The following TFEC variants were observed in gnomAD, a reference collection of about 807,000 sequenced individuals.
The protein encoded by TFEC is class E basic helix-loop-helix protein 34.
A neutral mutation model predicts 41.6 loss-of-function variants in TFEC; 31 were observed. The observed-to-expected ratio is 0.74, with a 90% CI of 0.56 to 1.01. The LOEUF (loss-of-function observed/expected upper bound fraction) is 1.01. Among genes scored for constraint, TFEC ranks in the 50% least tolerant of loss-of-function variants. The pLI is 0.00. For missense variants in TFEC, 402 were observed against 404.1 expected (o/e 0.99, Z 0.04); for synonymous variants, 143 against 140.6 (o/e 1.02, Z -0.12).
chr7:116,096,589 G>C (rs956242005), intron 3 of TFEC, among the ~76,000 whole-genome samples: 2 of 148,570 alleles, frequency 1.3e-5, no homozygotes, highest in African/African-American at 4.9e-5. Flanking sequence ...CTTACTATGC[G>C]TTTTTTTTTT....
At chr7:115,993,556 A>G (rs1314427907) in intron 1 of TFEC, among the ~76,000 whole-genome samples, 1 of 152,228 alleles carries the variant, frequency 6.6e-6, no homozygotes, top group African/African-American at 2.4e-5. Context: ...ATTCTTATAA[A>G]CCAATAACAG....
intron 3 of TFEC, among the ~76,000 whole-genome samples, chr7:115,966,189 C>T (rs1792838725): frequency 6.6e-6 from 1 of 151,740 alleles, no homozygotes. Flanking sequence ...CATGGCCCCA[C>T]TTTCTCTATT....
chr7:116,130,918 A>G (rs951468827), intron 1 of TFEC, among the ~76,000 whole-genome samples: 6 of 152,162 alleles, frequency 3.9e-5, no homozygotes, highest in African/African-American at 9.7e-5. Context: ...AGCTTGCACT[A>G]TATTTCTCAA....
chr7:116,119,533 A>T (rs1300286969), intron 1 of TFEC, among the ~76,000 whole-genome samples: 5 of 151,786 alleles, frequency 3.3e-5, no homozygotes, highest in South Asian at 2.1e-4. Context: ...AATATATGTT[A>T]AAAAAACACT....
In TFEC at chr7:115,977,235, C is replaced by T. The variant is rs560295794; in HGVS notation, c.181-2979G>A. ...TCAGACAAAATAAGAATTACAAACC[C>T]GCAAGTAAGCATCCTCAAAATAATA... On this transcript the variant is annotated intron_variant, in intron 2 of 7. Coordinates refer to ENST00000265440, the MANE Select transcript of TFEC (RefSeq NM_012252.4). Among the ~76,000 whole-genome samples, 6 of 151,904 alleles carry T rather than the reference C, an allele frequency of 3.9e-5. No homozygotes were observed. The East Asian group carries it at 1.2e-3, about 29-fold the overall frequency.
intron 3 of TFEC, among the ~76,000 whole-genome samples, chr7:116,062,955 G>A (rs1399981029): frequency 3.3e-5 from 5 of 152,030 alleles, no homozygotes; most frequent in Non-Finnish European, 5.9e-5. Flanking sequence ...ATTTATTTAA[G>A]AGAAATAGAA....
At chr7:116,091,015 G>T (rs1180559827) in intron 3 of TFEC, among the ~76,000 whole-genome samples, 1 of 151,952 alleles carries the variant, frequency 6.6e-6, no homozygotes, top group African/African-American at 2.4e-5. Flanking sequence ...ACCTAATGTA[G>T]ATGACAGGTT....
chr7:116,089,533 T>C (rs1797276312), intron 3 of TFEC, among the ~76,000 whole-genome samples: 1 of 152,122 alleles, frequency 6.6e-6, no homozygotes, highest in Admixed American at 6.6e-5. Flanking sequence ...TTGGCATAGA[T>C]GGGAATTCAA....
intron 3 of TFEC, among the ~76,000 whole-genome samples, chr7:116,056,646 A>G (rs902930374): frequency 1.3e-5 from 2 of 152,244 alleles, no homozygotes; most frequent in Admixed American, 1.3e-4. Context: ...CTCTGGTCCT[A>G]TCTAGAAGAA....
In TFEC at chr7:116,045,822, T is replaced by C. The variant is rs377415154; in HGVS notation, c.199-61309A>G. On this transcript the variant is annotated intron_variant, in intron 3 of 8. Transcript: ENST00000484212. ...CGGTGAAAGCAGCCAAGAGGGAGGCTGGACCCTGCAAAGCCACAGGGGCGG... is the reference window on the plus strand; with the variant it reads ...CGGTGAAAGCAGCCAAGAGGGAGGCCGGACCCTGCAAAGCCACAGGGGCGG... Among the ~76,000 whole-genome samples the C allele has an allele frequency of 1.8e-4, 28 of 152,318 alleles. 1 individual carries two copies. The East Asian group carries it at 2.3e-3, about 13-fold the overall frequency.
At chr7:116,144,142 C>A (rs1798595151) in intron 1 of TFEC, among the ~76,000 whole-genome samples, 1 of 151,872 alleles carries the variant, frequency 6.6e-6, no homozygotes. Flanking sequence ...CGCTTGAACC[C>A]AGAGTCAGAG....
intron 3 of TFEC, among the ~76,000 whole-genome samples, chr7:116,078,427 A>C (rs1797010642): frequency 6.6e-6 from 1 of 152,122 alleles, no homozygotes; most frequent in South Asian, 2.1e-4. Flanking sequence ...TAAAATTGAT[A>C]GACCATTAAT....
intron 3 of TFEC, among the ~76,000 whole-genome samples, chr7:115,967,526 T>C (rs1792915844): frequency 6.6e-6 from 1 of 151,836 alleles, no homozygotes; most frequent in African/African-American, 2.4e-5. Context: ...CTTTATAGTT[T>C]CAGGACACAC....
intron 3 of TFEC, among the ~76,000 whole-genome samples, chr7:115,972,843 A>G (rs1293378399): frequency 6.6e-6 from 1 of 152,060 alleles, no homozygotes; most frequent in African/African-American, 2.4e-5. Flanking sequence ...AGAATGTTTC[A>G]GTATACAATT....
chr7:115,963,029 G>GT (rs1422144909), intron 3 of TFEC, among the ~76,000 whole-genome samples: 1 of 151,334 alleles, frequency 6.6e-6, no homozygotes, highest in African/African-American at 2.4e-5. Flanking sequence ...CAGCCCCGGT[G>GT]TTTGATATTC....
intron 1 of TFEC, among the ~76,000 whole-genome samples, chr7:116,146,869 G>A (rs1308846183): frequency 1.3e-5 from 2 of 152,140 alleles, no homozygotes; most frequent in African/African-American, 4.8e-5. Context: ...TACTGAAAGT[G>A]CAATGAAGAA....
chr7:115,962,070 A>C (rs75755477), intron 3 of TFEC, among the ~76,000 whole-genome samples: 1,538 of 151,856 alleles, frequency 0.01, 26 homozygotes, highest in African/African-American at 0.035. Flanking sequence ...CTGAAAAAGA[A>C]ATTAAGAAAA....
chr7:116,071,909 A>C (rs1001340097), intron 3 of TFEC, among the ~76,000 whole-genome samples: 2 of 151,460 alleles, frequency 1.3e-5, no homozygotes, highest in Non-Finnish European at 3.0e-5. Context: ...ACTTAGTAGT[A>C]ACAGTAGTAT....
intron 3 of TFEC, among the ~76,000 whole-genome samples, chr7:115,962,120 A>T (rs1304970124): frequency 6.6e-6 from 1 of 151,810 alleles, no homozygotes; most frequent in African/African-American, 2.4e-5. Context: ...TGAAATACTT[A>T]GGAATAAACT....
Sources: gnomAD v4.1 joint callset for allele counts (sites outside exome capture counted in the v4.1 genomes callset) on GRCh38, gnomAD v4.1.1 for gene constraint, MANE v1.5 for transcripts, NCBI Gene and HGNC (gene_info 2026-07-23, HGNC 2026-07-21) for gene names.